The following DOCK5 variants were observed in gnomAD, a reference collection of about 807,000 sequenced individuals.
DOCK5 encodes the protein dedicator of cytokinesis protein 5.
In DOCK5, 142 loss-of-function variants were observed where a neutral mutation model predicts 251.8. The observed-to-expected ratio is 0.56, with a 90% confidence interval of 0.49 to 0.65. The LOEUF is 0.65. DOCK5 is among the 30% of genes least tolerant of loss of function. The probability of loss-of-function intolerance (pLI) is 0.00; values close to 1 mark genes in which losing one functional copy is unlikely to be tolerated. For missense variants in DOCK5, 2,111 were observed against 2,312.3 expected, an observed-to-expected ratio of 0.91 and a Z score of 1.79; for synonymous variants, 842 against 835.5, an observed-to-expected ratio of 1.01 and a Z score of -0.13.
intron 35 of DOCK5, 149 bp from the exon 36 acceptor site, chr8:25,373,469 C>A: frequency 1.3e-6 from 1 of 773,420 alleles, no homozygotes; most frequent in Non-Finnish European, 2.1e-6. Context: ...TAAATATCCC[C>A]TTTTCTTATG....
chr8:25,256,697 G>A lies in DOCK5; in HGVS notation c.128-12148G>A, dbSNP rs562183643. On this transcript the variant is annotated intron_variant, in intron 2 of 51. Transcript: ENST00000276440. ...GTTGGAATTGAAAGATACAAAGGGT[G>A]AAATTTTTTCTTAGTGTCACTTTCA... Among the ~76,000 whole-genome samples, 12 of 151,250 alleles carry A rather than the reference G, an allele frequency of 7.9e-5. No homozygotes were observed. The East Asian group carries it at 2.1e-3, about 27-fold the overall frequency.
intron 1 of DOCK5, among the ~76,000 whole-genome samples, chr8:25,194,002 G>C (rs779307867): frequency 1.3e-4 from 20 of 151,920 alleles, no homozygotes; most frequent in Non-Finnish European, 2.8e-4. Flanking sequence ...AACGATAATT[G>C]AAGCCGGGCA....
Position 25,391,950 on chromosome 8 carries a change from A to G in DOCK5, c.4410A>G (p.Lys1470=), listed in dbSNP as rs1801267138. The change falls in exon 43 of 52, where the codon AAA becomes AAG. Residue 1470 remains lysine, a synonymous_variant. Transcript: ENST00000276440. ...QQFRYSRPFR[K]GEKDPDNEFA... ...TCAGATACTCCCGGCCGTTCCGGAA[A>G]GGAGAAAAGGATCCAGACAATGAAT... The G allele has an allele frequency of 1.2e-6, 2 of 1,613,926 alleles. No homozygotes were observed. Among genetic ancestry groups the G allele is most frequent in the East Asian group, 4.5e-5 (2 of 44,852 alleles).
rs563343933 is a variant in DOCK5 at position 25,238,922 on chromosome 8, G to C, written c.44-4752G>C. On this transcript the variant is annotated intron_variant, in intron 1 of 51. Coordinates refer to ENST00000276440, the MANE Select transcript of DOCK5 (RefSeq NM_024940.8). ...TGTGTAACGAGGGCCCCAATCATAGGGATTTCCTTCTAATTGATGGCAGAC... is the reference window on the plus strand; with the variant it reads ...TGTGTAACGAGGGCCCCAATCATAGCGATTTCCTTCTAATTGATGGCAGAC... Among the ~76,000 whole-genome samples the C allele has an allele frequency of 1.1e-4, 17 of 152,264 alleles. No individual in the cohort carries two copies. In the East Asian group the frequency reaches 3.1e-3, roughly 28 times the overall value.
intron 27 of DOCK5, among the ~76,000 whole-genome samples, chr8:25,356,907 T>TGTATATA (rs1800583275): frequency 1.5e-5 from 2 of 131,328 alleles, no homozygotes; most frequent in Admixed American, 7.8e-5. Flanking sequence ...TATATGAAGA[T>TGTATATA]TATATATATA....
At position 25,388,968 on chromosome 8, in the gene DOCK5, A is replaced by C; in HGVS notation, c.4132-123A>C. 4.6e-6 allele frequency: 4 copies of C among 875,066 alleles called. No homozygotes were observed. The South Asian group carries it at 7.1e-5, about 16-fold the overall frequency. 54.2% of individuals were successfully genotyped at this position (875,066 alleles called of 1,614,324 possible). The stretch of plus-strand genomic sequence containing the variant: ...TCAGGCAAGGACTAGATTTTCAGTG[A>C]GAACTTGATGGTGGGGATTGAACGT... On this transcript the variant is annotated intron_variant, in intron 40 of 51. Coordinates refer to ENST00000276440, the MANE Select transcript of DOCK5 (RefSeq NM_024940.8).
At chr8:25,336,508 T>C (rs1805813735) in intron 22 of DOCK5, 135 bp downstream of exon 22, 1 of 1,212,270 alleles carries the variant, frequency 8.2e-7, no homozygotes, top group Admixed American at 2.5e-5. Flanking sequence ...ACTGCAGGGC[T>C]GAAGATGGAT....
intron 48 of DOCK5, among the ~76,000 whole-genome samples, chr8:25,406,912 C>T (rs1442942399): frequency 6.6e-6 from 1 of 152,078 alleles, no homozygotes; most frequent in African/African-American, 2.4e-5. Context: ...AGGCGTGAGC[C>T]ACCGTGCCTG....
At chr8:25,291,990 A>T (rs1804503018) in intron 5 of DOCK5, 34 bp from the exon 6 acceptor site, 1 of 1,511,760 alleles carries the variant, frequency 6.6e-7, no homozygotes, top group South Asian at 1.3e-5. Context: ...CCTTTTTCTA[A>T]GAATCTTTTC....
intron 14 of DOCK5, 58 bp from the exon 15 acceptor site, chr8:25,319,520 G>A: frequency 1.6e-6 from 2 of 1,226,464 alleles, no homozygotes; most frequent in Admixed American, 4.0e-5. Flanking sequence ...GGTATATGGG[G>A]TCCTCTTACT....
Position 25,334,192 on chromosome 8 carries a change from T to A in DOCK5, c.2188T>A (p.Tyr730Asn), listed in dbSNP as rs747560331. ...IYKHFSATLA[Y>N]VKLSKVLNFY... The stretch of plus-strand genomic sequence containing the variant: ...CAAGCACTTCAGCGCCACTTTGGCA[T>A]ATGTGTAAGTATGATCTGAAGGAAC... Residue 730 changes from tyrosine to asparagine, a missense_variant, in exon 21 of 52, where the codon TAT becomes AAT. Tyr to Asn is a moderately radical substitution (Grantham distance 143). Around this residue, in one of 3 missense-constraint regions of DOCK5, gnomAD observed 1,717 missense variants for 1,892.4 expected, o/e 0.91. Transcript: ENST00000276440. 4.3e-6 allele frequency: 7 copies of A among 1,610,044 alleles called. No individual in the cohort carries two copies. The Admixed American group carries it at 5.0e-5, about 12-fold the overall frequency.
intron 1 of DOCK5, among the ~76,000 whole-genome samples, chr8:25,214,432 A>G (rs1187929171): frequency 6.6e-6 from 1 of 152,078 alleles, no homozygotes; most frequent in Non-Finnish European, 1.5e-5. Flanking sequence ...ATTTCTGAGC[A>G]CCTTTGAAAA....
At chr8:25,213,461 G>A (rs188935855) in intron 1 of DOCK5, among the ~76,000 whole-genome samples, 5 of 151,444 alleles carry the variant, frequency 3.3e-5, no homozygotes, top group East Asian at 1.9e-4. Flanking sequence ...GCGTCTGGTA[G>A]TGTCCCCTTT....
In DOCK5 at chr8:25,243,634, A is replaced by T. The variant is rs777577591; in HGVS notation, c.44-40A>T. 3.2e-6 allele frequency: 5 copies of T among 1,585,910 alleles called. No individual in the cohort carries two copies. In the South Asian group the frequency reaches 4.5e-5, roughly 14 times the overall value. The stretch of plus-strand genomic sequence containing the variant: ...GTGAGCCACCGTGCCCAGCCAAGTG[A>T]CATGCATTCTAATTTCCCTTTTTTA... On this transcript the variant is annotated intron_variant, in intron 1 of 51. Transcript: ENST00000276440.
rs1198730059 is a variant in DOCK5 at position 25,343,508 on chromosome 8, C to T, written c.2617+1001C>T. The stretch of plus-strand genomic sequence containing the variant: ...CTTAATCTTTAATTAGAACAATCTG[C>T]AAGTGGTTCATTAATTAGAGAATTT... On this transcript the variant is annotated intron_variant, in intron 25 of 51. Coordinates refer to ENST00000276440, the MANE Select transcript of DOCK5 (RefSeq NM_024940.8). Among the ~76,000 whole-genome samples, 3 of 152,280 alleles carry T rather than the reference C, an allele frequency of 2.0e-5. No individual in the cohort carries two copies. In the South Asian group the frequency reaches 6.2e-4, roughly 32 times the overall value.
intron 1 of DOCK5, among the ~76,000 whole-genome samples, chr8:25,236,270 G>A (rs948154613): frequency 7.9e-5 from 12 of 152,206 alleles, no homozygotes; most frequent in African/African-American, 2.9e-4. Context: ...GGATGGGTCT[G>A]AGCAGAGAGG....
intron 3 of DOCK5, chr8:25,271,107 T>C (rs978830863): frequency 5.8e-6 from 2 of 342,702 alleles, no homozygotes; most frequent in East Asian, 4.4e-5. Flanking sequence ...GCCATTGTTG[T>C]TGGCTTTGAA....
At chr8:25,324,209 C>T (rs1326395953) in intron 17 of DOCK5, among the ~76,000 whole-genome samples, 2 of 152,116 alleles carry the variant, frequency 1.3e-5, no homozygotes, top group Non-Finnish European at 2.9e-5. Context: ...GGGAGAGGTC[C>T]TGTGAATGGT....
intron 18 of DOCK5, among the ~76,000 whole-genome samples, chr8:25,328,007 TTTG>T (rs917954209): frequency 2.6e-5 from 4 of 152,278 alleles, no homozygotes; most frequent in Non-Finnish European, 5.9e-5. Flanking sequence ...ACAATTTTTA[TTTG>T]TTAATTAAAT....
Sources: gnomAD v4.1 joint callset for allele counts (sites outside exome capture counted in the v4.1 genomes callset) on GRCh38, gnomAD v4.1.1 for gene constraint, gnomAD v4.1.1 regional missense constraint, MANE v1.5 for transcripts, NCBI Gene and HGNC (gene_info 2026-07-23, HGNC 2026-07-21) for gene names.